MBOAT1: variants seen among roughly 807,000 people sequenced by gnomAD.
The protein encoded by MBOAT1 is membrane-bound glycerophospholipid O-acyltransferase 1.
A neutral mutation model predicts 64.4 loss-of-function variants in MBOAT1; 67 were observed. The ratio of observed to expected loss-of-function variants is 1.04; its 90% CI spans 0.85 to 1.27. The LOEUF (loss-of-function observed/expected upper bound fraction) is 1.27. Ranked by LOEUF, MBOAT1 falls within the 50% of genes most tolerant of loss-of-function variation. MBOAT1 has a pLI of 0.00. For missense variants in MBOAT1, 563 were observed against 604.6 expected, an observed-to-expected ratio of 0.93 and a Z score of 0.72; for synonymous variants, 229 against 218.9, an observed-to-expected ratio of 1.05 and a Z score of -0.41.
intron 4 of MBOAT1, among the ~76,000 whole-genome samples, chr6:20,137,781 C>T (rs1364280742): frequency 2.0e-5 from 3 of 152,070 alleles, no homozygotes; most frequent in Non-Finnish European, 4.4e-5. Flanking sequence ...CCCATCCCAT[C>T]CAATTCCTGT....
chr6:20,208,043 G>A (rs905115048), intron 1 of MBOAT1, among the ~76,000 whole-genome samples: 8 of 152,192 alleles, frequency 5.3e-5, no homozygotes, highest in Admixed American at 5.2e-4. Context: ...TGGAATGTGA[G>A]CTGAGCTTTT....
chr6:20,201,218 T>C (rs1394038598), intron 1 of MBOAT1, among the ~76,000 whole-genome samples: 2 of 152,136 alleles, frequency 1.3e-5, no homozygotes, highest in Non-Finnish European at 2.9e-5. Flanking sequence ...CACAAAGCCA[T>C]GGCTGGAAGA....
rs375436384 is a variant in MBOAT1, at chr6:20,137,304, A to G, written c.420-6105T>C. Among the ~76,000 whole-genome samples, 12 of 152,330 alleles carry G rather than the reference A, an allele frequency of 7.9e-5. 1 individual carries two copies. The South Asian group carries it at 2.3e-3, about 29-fold the overall frequency. On this transcript the variant is annotated intron_variant, in intron 4 of 12. Transcript: ENST00000324607. ...GATGGGAGAGCAATTATCTGCCTGA[A>G]TCTGGCCTACCATGGCAAAAGGAAA...
chr6:20,199,514 A>G (rs1763059510), intron 1 of MBOAT1, among the ~76,000 whole-genome samples: 1 of 152,208 alleles, frequency 6.6e-6, no homozygotes, highest in African/African-American at 2.4e-5. Flanking sequence ...ACAAACAAAC[A>G]AACAAAAAAC....
At chr6:20,166,312 T>G (rs937700130) in intron 1 of MBOAT1, among the ~76,000 whole-genome samples, 1 of 152,140 alleles carries the variant, frequency 6.6e-6, no homozygotes. Context: ...TAGATTTTCA[T>G]AGAGAGAGGT....
At chr6:20,130,708 A>G (rs551001171) in intron 5 of MBOAT1, among the ~76,000 whole-genome samples, 5 of 152,026 alleles carry the variant, frequency 3.3e-5, no homozygotes, top group African/African-American at 1.2e-4. Context: ...AGCCAAAAAA[A>G]AAAACAAACA....
At chr6:20,107,057 TCTC>T (rs2033362333) in intron 12 of MBOAT1, among the ~76,000 whole-genome samples, 1 of 152,118 alleles carries the variant, frequency 6.6e-6, no homozygotes, top group African/African-American at 2.4e-5. Flanking sequence ...CAAAATAACT[TCTC>T]CTAAAGAACT....
chr6:20,206,812 C>T (rs181711181), intron 1 of MBOAT1, among the ~76,000 whole-genome samples: 14 of 152,210 alleles, frequency 9.2e-5, no homozygotes, highest in South Asian at 4.1e-4. Flanking sequence ...AGACTTTCAC[C>T]CCCACCCTCA....
intron 4 of MBOAT1, among the ~76,000 whole-genome samples, chr6:20,136,262 G>A (rs1408525206): frequency 1.3e-5 from 2 of 152,194 alleles, no homozygotes; most frequent in African/African-American, 4.8e-5. Flanking sequence ...CCATCCAGGG[G>A]TGAATTAGAG....
chr6:20,143,794 G>A (rs1302823212), intron 4 of MBOAT1, among the ~76,000 whole-genome samples: 1 of 152,154 alleles, frequency 6.6e-6, no homozygotes, highest in Non-Finnish European at 1.5e-5. Flanking sequence ...CCAACCCTGA[G>A]TTAAGAACCT....
At chr6:20,145,643 G>A (rs7748611) in intron 3 of MBOAT1, among the ~76,000 whole-genome samples, 2 of 152,230 alleles carry the variant, frequency 1.3e-5, no homozygotes, top group African/African-American at 2.4e-5. Flanking sequence ...GCTCTACCTC[G>A]CCTTCCTGGA....
intron 1 of MBOAT1, among the ~76,000 whole-genome samples, chr6:20,188,814 T>C (rs1401331149): frequency 6.6e-6 from 1 of 152,152 alleles, no homozygotes; most frequent in Admixed American, 6.5e-5. Flanking sequence ...GTCTTTCTTA[T>C]CTGTGTGGCT....
chr6:20,175,630 C>CTT (rs113100366), intron 1 of MBOAT1, among the ~76,000 whole-genome samples: 8 of 140,414 alleles, frequency 5.7e-5, no homozygotes, highest in African/African-American at 1.6e-4. Context: ...TTCTTTCTTT[C>CTT]TTTTTTTTTT....
chr6:20,152,524 T>G, intron 2 of MBOAT1, 100 bp downstream of exon 2: 1 of 1,258,128 alleles, frequency 7.9e-7, no homozygotes, highest in Non-Finnish European at 1.1e-6. Context: ...ACAATACATA[T>G]TTTATAATGC....
At chr6:20,168,790 A>G (rs1762108525) in intron 1 of MBOAT1, among the ~76,000 whole-genome samples, 1 of 80,002 alleles carries the variant, frequency 1.2e-5, no homozygotes, top group Non-Finnish European at 2.3e-5. Flanking sequence ...AGGGAAGGGA[A>G]GGGAAAAGGG....
intron 3 of MBOAT1, among the ~76,000 whole-genome samples, chr6:20,147,356 G>A (rs1404018816): frequency 2.6e-5 from 4 of 152,216 alleles, no homozygotes; most frequent in African/African-American, 7.2e-5. Context: ...ATTGGCACAT[G>A]AGGCTGGGTG....
intron 11 of MBOAT1, among the ~76,000 whole-genome samples, chr6:20,110,218 T>TC (rs1760097961): frequency 1.6e-5 from 1 of 60,716 alleles, no homozygotes; most frequent in Admixed American, 2.5e-4. Flanking sequence ...CCAGGACTCT[T>TC]TTTTTTTTTT....
intron 4 of MBOAT1, among the ~76,000 whole-genome samples, chr6:20,136,671 A>G (rs1053355159): frequency 4.6e-5 from 7 of 152,212 alleles, no homozygotes; most frequent in Non-Finnish European, 1.0e-4. Context: ...TTTCTATTAC[A>G]CCCAATTAAG....
chr6:20,107,127 G>C (rs75547876), intron 12 of MBOAT1, among the ~76,000 whole-genome samples: 1,943 of 152,182 alleles, frequency 0.013, 47 homozygotes, highest in African/African-American at 0.044. Flanking sequence ...CTGAAACTCA[G>C]GTTTAACATT....
Sources: allele counts gnomAD v4.1 joint callset (sites outside exome capture counted in the v4.1 genomes callset), GRCh38; gene constraint gnomAD v4.1.1; transcripts MANE v1.5; gene names NCBI Gene and HGNC (gene_info 2026-07-23, HGNC 2026-07-21).